Variants in PTPRA observed in about 807,000 individuals in gnomAD.
The protein encoded by PTPRA is receptor-type tyrosine-protein phosphatase alpha.
In PTPRA, 25 loss-of-function variants were observed where a neutral mutation model predicts 104.8. The observed-to-expected ratio is 0.24, with a 90% CI of 0.17 to 0.33. The LOEUF is 0.33. Ranked by LOEUF, PTPRA falls within the 10% of genes least tolerant of loss-of-function variation. The pLI is 1.00. For synonymous variants in PTPRA, 323 were observed against 368.9 expected (o/e 0.88, Z 1.43); for missense variants, 765 against 1,015.3 (o/e 0.75, Z 3.35).
the PTPRA span, chr20:2,865,375 C>T: frequency 5.6e-6 from 9 of 1,613,864 alleles, no homozygotes; most frequent in African/African-American, 1.1e-4. The surrounding 1 kb of genome is among the most constrained non-coding windows in gnomAD (Gnocchi z 5.2). Context: ...TCCTGCAACA[C>T]CTCCAAGCCC....
At chr20:2,958,365 G>C (rs767043607) in intron 3 of PTPRA, among the ~76,000 whole-genome samples, 2 of 152,058 alleles carry the variant, frequency 1.3e-5, no homozygotes, top group Non-Finnish European at 1.5e-5. Flanking sequence ...AGTGAAGGAA[G>C]TCAAGGAACT....
intron 1 of PTPRA, among the ~76,000 whole-genome samples, chr20:2,884,115 T>C (rs1033293888): frequency 1.3e-5 from 2 of 152,232 alleles, no homozygotes; most frequent in African/African-American, 4.8e-5. Flanking sequence ...TATATTGATA[T>C]ACGACATTTG....
chr20:2,884,557 G>A lies in PTPRA; in HGVS notation c.-129+10797G>A, dbSNP rs367897012. Among the ~76,000 whole-genome samples the A allele has an allele frequency of 5.3e-5, 8 of 152,240 alleles. No homozygotes were observed. The East Asian group carries it at 5.8e-4, about 11-fold the overall frequency. The stretch of plus-strand genomic sequence containing the variant: ...TGCATCTTTTCATGTGCTGTTGGCC[G>A]TTTATGTATGTTCTTTGGGGAAATG... On this transcript the variant is annotated intron_variant, in intron 1 of 23. Coordinates refer to ENST00000399903, the MANE Select transcript of PTPRA (RefSeq NM_001385305.1).
At chr20:2,997,059 C>T (rs982937721) in intron 9 of PTPRA, among the ~76,000 whole-genome samples, 1 of 152,114 alleles carries the variant, frequency 6.6e-6, no homozygotes, top group African/African-American at 2.4e-5. Flanking sequence ...TTCTTATATC[C>T]ATTATGATAT....
chr20:3,027,279 G>T, intron 19 of PTPRA, 82 bp downstream of exon 19: 1 of 1,361,332 alleles, frequency 7.3e-7, no homozygotes, highest in South Asian at 1.2e-5. Context: ...TCCCATACCT[G>T]CTGGGGAGGA....
intron 1 of PTPRA, among the ~76,000 whole-genome samples, chr20:2,899,501 A>G (rs1290628622): frequency 2.0e-5 from 3 of 151,968 alleles, no homozygotes; most frequent in African/African-American, 4.8e-5. Flanking sequence ...TCCCCTATTG[A>G]GCAGAAAGAG....
At chr20:2,960,898 A>G (rs1262200586) in intron 3 of PTPRA, among the ~76,000 whole-genome samples, 1 of 148,048 alleles carries the variant, frequency 6.8e-6, no homozygotes, top group Non-Finnish European at 1.5e-5. Flanking sequence ...GGTTTTTCAC[A>G]TTGGCTTCTG....
chr20:2,872,945 C>T (rs539939954), upstream of PTPRA, among the ~76,000 whole-genome samples: 47 of 152,304 alleles, frequency 3.1e-4, 3 homozygotes, highest in Non-Finnish European at 1.6e-4. This position sits in a 1 kb window ranked among gnomAD's most constrained non-coding sequence, Gnocchi z 7.9. Context: ...CGGGTGGGGA[C>T]GGCGTGGGCT....
chr20:2,967,020 G>C (rs1449267002), intron 5 of PTPRA, among the ~76,000 whole-genome samples: 1 of 152,188 alleles, frequency 6.6e-6, no homozygotes, highest in Non-Finnish European at 1.5e-5. Flanking sequence ...GTTCTATTGT[G>C]TACTGTCTTT....
chr20:2,909,778 A>G (rs1273379396), intron 1 of PTPRA, among the ~76,000 whole-genome samples: 1 of 135,308 alleles, frequency 7.4e-6, no homozygotes, highest in Non-Finnish European at 1.5e-5. Flanking sequence ...ATATTATAAG[A>G]TAATATAATA....
chr20:3,037,080 C>T lies in PTPRA; in HGVS notation c.2199-74C>T. The T allele has an allele frequency of 6.4e-7, 1 of 1,564,232 alleles. No homozygotes were observed. The highest frequency in any genetic ancestry group is 8.7e-7 in the Non-Finnish European group (1 of 1,151,954). On this transcript the variant is annotated intron_variant, in intron 22 of 23. Transcript: ENST00000399903. This position sits in a 1 kb window ranked among gnomAD's most constrained non-coding sequence, Gnocchi z 4.3. The stretch of plus-strand genomic sequence containing the variant: ...AGCTGCCTGCCCCCACCTCTTCTGC[C>T]ACTCACCACTGTCACTCACCCCCTT...
intron 1 of PTPRA, among the ~76,000 whole-genome samples, chr20:2,883,270 C>G (rs2090168252): frequency 6.6e-6 from 1 of 152,006 alleles, no homozygotes. Context: ...TAGCAAATAT[C>G]ATTTGAAAAA....
intron 3 of PTPRA, among the ~76,000 whole-genome samples, chr20:2,955,067 A>T (rs116245397): frequency 0.015 from 2,264 of 152,308 alleles, 49 homozygotes; most frequent in African/African-American, 0.052. Context: ...ACTGTCTTAA[A>T]TATGGTAGCT....
At chr20:2,914,498 G>T (rs1348286146) in intron 1 of PTPRA, among the ~76,000 whole-genome samples, 1 of 149,952 alleles carries the variant, frequency 6.7e-6, no homozygotes, top group Non-Finnish European at 1.5e-5. Context: ...GTTCACACTG[G>T]TACCTAGTAC....
intron 17 of PTPRA, 125 bp downstream of exon 17, chr20:3,024,746 A>C (rs547468935): frequency 8.4e-7 from 1 of 1,191,534 alleles, no homozygotes; most frequent in South Asian, 1.4e-5. Context: ...GGTTAAGGAG[A>C]TGGTCCTTTC....
intron 17 of PTPRA, 139 bp downstream of exon 17, chr20:3,024,760 G>A (rs917355981): frequency 8.6e-6 from 9 of 1,041,486 alleles, no homozygotes; most frequent in East Asian, 2.6e-5. Context: ...TCCTTTCCTC[G>A]TACTCTGGTA....
intron 2 of PTPRA, among the ~76,000 whole-genome samples, chr20:2,945,623 ATATT>A (rs1393211131): frequency 4.0e-5 from 6 of 150,384 alleles, no homozygotes; most frequent in Admixed American, 1.4e-4. Flanking sequence ...AAATAAATAA[ATATT>A]TATTTATTTA....
In PTPRA at chr20:3,019,715, A is replaced by G. The variant is rs538297743; in HGVS notation, c.1042-1594A>G. ...GCAATCTCGGCGCTTTGGGAGGCCA[A>G]AGCAGGCTGCTGGGAGGTGGAGGTT... On this transcript the variant is annotated intron_variant, in intron 13 of 23. Coordinates refer to ENST00000399903, the MANE Select transcript of PTPRA (RefSeq NM_001385305.1). 3.9e-3 allele frequency among the ~76,000 whole-genome samples: 597 copies of G among 152,290 alleles called. 3 individuals carry two copies. The highest frequency in any genetic ancestry group is 0.017 in the Admixed American group (253 of 15,308).
Position 2,873,632 on chromosome 20 carries a change from C to T in PTPRA, c.-257C>T, listed in dbSNP as rs1307964416. The T allele has an allele frequency of 6.6e-6, 1 of 150,748 alleles. No individual in the cohort carries two copies. The highest frequency in any genetic ancestry group is 2.4e-5 in the African/African-American group (1 of 41,258). 9.3% of individuals were successfully genotyped at this position (150,748 alleles called of 1,614,324 possible). A position where few individuals can be genotyped will look rare whatever the true frequency, so the allele number is the denominator to read the frequency against. ...CGCCATGGAGGCGAGGCCGCCGCCG[C>T]CGCCGCGGGGCTCGGAGCCGCGGGC... On this transcript the variant is annotated 5_prime_UTR_variant, in exon 1 of 24. Transcript: ENST00000399903. This position sits in a 1 kb window ranked among gnomAD's most constrained non-coding sequence, Gnocchi z 4.4.
Sources: gnomAD v4.1 joint callset for allele counts (sites outside exome capture counted in the v4.1 genomes callset) on GRCh38, gnomAD v4.1.1 for gene constraint, Gnocchi (gnomAD v3.1) non-coding constraint, MANE v1.5 for transcripts, NCBI Gene and HGNC (gene_info 2026-07-23, HGNC 2026-07-21) for gene names.